The following FAM186A variants were observed in gnomAD, a reference collection of about 807,000 sequenced individuals.
FAM186A encodes the protein family with sequence similarity 186 member A.
In FAM186A, 163 loss-of-function variants were observed where a neutral mutation model predicts 216.8. The ratio of observed to expected loss-of-function variants is 0.75; its 90% CI spans 0.66 to 0.86. The LOEUF is 0.86. FAM186A is among the 40% of genes least tolerant of loss of function. FAM186A has a pLI of 0.00. For synonymous variants in FAM186A, 805 were observed against 1,025.3 expected (o/e 0.79, Z 4.10); for missense variants, 2,184 against 2,746.2 (o/e 0.80, Z 4.58).
chr12:50,366,247 G>C (rs1199534800), intron 1 of FAM186A, among the ~76,000 whole-genome samples: 2 of 152,128 alleles, frequency 1.3e-5, no homozygotes, highest in Non-Finnish European at 2.9e-5. Context: ...ACACAGGTGA[G>C]CCAAGGCAAA....
chr12:50,329,922 A>G (rs1211140472), intron 7 of FAM186A, among the ~76,000 whole-genome samples: 1 of 152,228 alleles, frequency 6.6e-6, no homozygotes, highest in Non-Finnish European at 1.5e-5. Flanking sequence ...GTGAGGACTT[A>G]GATTTCACCA....
At chr12:50,347,160 T>A (rs1288681203) in intron 4 of FAM186A, among the ~76,000 whole-genome samples, 1 of 152,138 alleles carries the variant, frequency 6.6e-6, no homozygotes, top group Non-Finnish European at 1.5e-5. Context: ...CATCATGGCT[T>A]GGCAGGGAGT....
rs1942645028 is a variant in FAM186A, at chr12:50,330,426, T to C, written c.7034+147A>G. ...AGACTAATGCTGAATTTACCTGTAC[T>C]ATTTTATGACTGGTGTGAGTCTAAC... is the stretch of plus-strand genomic sequence containing the variant. On this transcript the variant is annotated intron_variant, in intron 7 of 7. Coordinates refer to ENST00000327337, the MANE Select transcript of FAM186A (RefSeq NM_001145475.3). 8.1e-6 allele frequency: 6 copies of C among 744,630 alleles called. No homozygotes were observed. The Admixed American group carries it at 1.6e-4, about 20-fold the overall frequency. 46.1% of individuals were successfully genotyped at this position (744,630 alleles called of 1,614,324 possible).
At chr12:50,360,074 C>G (rs540454618) in intron 3 of FAM186A, among the ~76,000 whole-genome samples, 1 of 151,780 alleles carries the variant, frequency 6.6e-6, no homozygotes, top group South Asian at 2.1e-4. Context: ...AAATCCCTGT[C>G]TCTACAAAAA....
rs745734718 is a variant in FAM186A at position 50,353,677 on chromosome 12, G to T, written c.3155C>A (p.Pro1052His). ...EKEPISITPPPSLQYSLPGAL... is the reference protein window; with the variant it reads ...EKEPISITPPHSLQYSLPGAL... ...TCCAGGCAGGGAGTATTGTAGGGAG[G>T]GGGGAGGTGTGATTGATATGGGCTC... Residue 1052 changes from proline to histidine, a missense_variant, in exon 4 of 8, where the codon CCC becomes CAC. This residue lies in a region of FAM186A where 1,132 missense variants were observed against 1,263.4 expected (regional missense o/e 0.90). Coordinates refer to ENST00000327337, the MANE Select transcript of FAM186A (RefSeq NM_001145475.3). The T allele has an allele frequency of 3.1e-5, 47 of 1,537,026 alleles. No individual in the cohort carries two copies. Among genetic ancestry groups the T allele is most frequent in the African/African-American group, 1.8e-4 (13 of 72,186 alleles).
chr12:50,373,863 G>A (rs1324778192), intron 1 of FAM186A, among the ~76,000 whole-genome samples: 1 of 151,868 alleles, frequency 6.6e-6, no homozygotes, highest in East Asian at 1.9e-4. Flanking sequence ...TATGTTTATT[G>A]CAGCATTATT....
intron 1 of FAM186A, among the ~76,000 whole-genome samples, chr12:50,370,424 G>C (rs1943133348): frequency 6.6e-6 from 1 of 152,004 alleles, no homozygotes; most frequent in Admixed American, 6.6e-5. Flanking sequence ...TAGTAATTAG[G>C]AAAATGTAAA....
chr12:50,330,583 G>A lies in FAM186A; in HGVS notation c.7024C>T (p.Leu2342Phe). 1.3e-6 allele frequency: 2 copies of A among 1,550,632 alleles called. No individual in the cohort carries two copies. Among genetic ancestry groups the A allele is most frequent in the Middle Eastern group, 1.7e-4 (1 of 5,992 alleles). Reference sequence around the variant, plus strand: ...CAGTCCATAACTTACCGTGATTGGAGGGATGCAAGAGATTTTCGGAAGGTA... The same window carrying A: ...CAGTCCATAACTTACCGTGATTGGAAGGATGCAAGAGATTTTCGGAAGGTA... ...QSTFRKSLAS[L>F]QSRVKKIPK is the part of the protein sequence containing the mutation. The change falls in exon 7 of 8, where the codon CTC (leucine) becomes TTC (phenylalanine). Residue 2342 changes from leucine to phenylalanine, a missense_variant. Leu to Phe is a conservative substitution (Grantham distance 22, BLOSUM62 0). Around this residue, in one of 7 missense-constraint regions of FAM186A, gnomAD observed 721 missense variants for 816.4 expected, o/e 0.88. Coordinates refer to ENST00000327337, the MANE Select transcript of FAM186A (RefSeq NM_001145475.3).
intron 1 of FAM186A, among the ~76,000 whole-genome samples, chr12:50,377,113 T>G (rs2136103659): frequency 6.6e-6 from 1 of 152,084 alleles, no homozygotes; most frequent in African/African-American, 2.4e-5. Flanking sequence ...AACACAAGGT[T>G]GGAAGAAACA....
At chr12:50,334,855 A>T (rs1419797405) in intron 4 of FAM186A, among the ~76,000 whole-genome samples, 1 of 152,200 alleles carries the variant, frequency 6.6e-6, no homozygotes, top group East Asian at 1.9e-4. Flanking sequence ...TAAGACTTTA[A>T]TCCAGTTCCT....
chr12:50,373,963 A>G (rs1270046832), intron 1 of FAM186A, among the ~76,000 whole-genome samples: 1 of 151,944 alleles, frequency 6.6e-6, no homozygotes, highest in Non-Finnish European at 1.5e-5. Context: ...ATGGAATACT[A>G]TGCAGCCATA....
intron 1 of FAM186A, among the ~76,000 whole-genome samples, chr12:50,378,173 G>A (rs1312313432): frequency 6.6e-6 from 1 of 150,880 alleles, no homozygotes; most frequent in South Asian, 2.1e-4. Flanking sequence ...GCAGTGAGCC[G>A]AGATTGCGAC....
rs572565205 is a variant in FAM186A at position 50,354,732 on chromosome 12, C to T, written c.2100G>A (p.Glu700=). The T allele has an allele frequency of 2.4e-4, 367 of 1,546,758 alleles. 5 individuals are homozygous for T. The South Asian group carries it at 4.2e-3, about 18-fold the overall frequency. ...AFDKKTVPKE[E]ELLKRAEAEK... is the part of the protein sequence containing the mutation. ...CAGCTTCTGCTCTTTTTAATAACTC[C>T]TCTTCCTTCGGAACAGTCTTTTTGT... The change falls in exon 4 of 8, where the codon GAG becomes GAA. Residue 700 remains glutamate, a synonymous_variant. Coordinates refer to ENST00000327337, the MANE Select transcript of FAM186A (RefSeq NM_001145475.3).
chr12:50,354,586 G>A lies in FAM186A; in HGVS notation c.2246C>T (p.Pro749Leu). 1 of 1,550,088 alleles carries A rather than the reference G, an allele frequency of 6.5e-7. No individual in the cohort carries two copies. Among genetic ancestry groups the A allele is most frequent in the East Asian group, 2.4e-5 (1 of 40,880 alleles). Residue 749 changes from proline (P) to leucine (L), a missense_variant, in exon 4 of 8, where the codon CCT becomes CTT. By Grantham distance (98) the Pro-to-Leu change is moderately conservative (BLOSUM62 -3). This residue lies in a region of FAM186A where 1,132 missense variants were observed against 1,263.4 expected (regional missense o/e 0.90). Transcript: ENST00000327337. ...TGAGACTACCTTTTTTTGTTTTATA[G>A]GTTTCTCTCCAACTTGTTCTTCCTT... ...TKKEEQVGEK[P>L]IKQKKVVSFM...
At chr12:50,340,946 G>A (rs112021866) in intron 4 of FAM186A, among the ~76,000 whole-genome samples, 67 of 152,052 alleles carry the variant, frequency 4.4e-4, no homozygotes, top group African/African-American at 1.4e-3. Context: ...ACAGGTGCAC[G>A]CCATCATGCC....
At chr12:50,362,582 A>C (rs1943046173) in intron 2 of FAM186A, among the ~76,000 whole-genome samples, 1 of 151,772 alleles carries the variant, frequency 6.6e-6, no homozygotes, top group Admixed American at 6.6e-5. Flanking sequence ...TGTCTCTACT[A>C]AAAATACAAA....
At chr12:50,381,408 G>A (rs1035773977) in intron 1 of FAM186A, among the ~76,000 whole-genome samples, 2 of 152,092 alleles carry the variant, frequency 1.3e-5, no homozygotes, top group Non-Finnish European at 2.9e-5. Flanking sequence ...GACCCTCAGT[G>A]GGTAGCTCCT....
At chr12:50,346,948 C>CA (rs1268314872) in intron 4 of FAM186A, among the ~76,000 whole-genome samples, 9 of 137,082 alleles carry the variant, frequency 6.6e-5, no homozygotes, top group South Asian at 2.3e-4. Context: ...ACCCGAACAA[C>CA]AAAAAAAAGA....
intron 1 of FAM186A, among the ~76,000 whole-genome samples, chr12:50,377,951 G>A (rs775197873): frequency 3.3e-5 from 5 of 151,878 alleles, no homozygotes; most frequent in Non-Finnish European, 5.9e-5. Context: ...TCGGCGAGGC[G>A]AGGTGGCTCA....
Sources: gnomAD v4.1 joint callset for allele counts (sites outside exome capture counted in the v4.1 genomes callset) on GRCh38, gnomAD v4.1.1 for gene constraint, gnomAD v4.1.1 regional missense constraint, MANE v1.5 for transcripts, NCBI Gene and HGNC (gene_info 2026-07-23, HGNC 2026-07-21) for gene names.